NRXN3: variants seen among roughly 807,000 people sequenced by gnomAD.
NRXN3 encodes the protein neurexin III.
NRXN3 carries 32 observed loss-of-function variants against 137.6 expected under a neutral mutation model. The observed-to-expected ratio is 0.23, with a 90% CI of 0.18 to 0.31. The LOEUF is 0.31. Ranked by LOEUF, NRXN3 falls within the 10% of genes least tolerant of loss-of-function variation. NRXN3 has a pLI of 1.00. For missense variants in NRXN3, 1,574 were observed against 2,062.5 expected, an observed-to-expected ratio of 0.76 and a Z score of 4.59; for synonymous variants, 798 against 784.5, an observed-to-expected ratio of 1.02 and a Z score of -0.29.
At chr14:78,192,411 T>C (rs992768894) in intron 1 of NRXN3, among the ~76,000 whole-genome samples, 1 of 152,156 alleles carries the variant, frequency 6.6e-6, no homozygotes, top group African/African-American at 2.4e-5. Context: ...GAACTCACCA[T>C]TGCTCTGCAA....
chr14:78,279,195 A>G (rs116489061), intron 3 of NRXN3, among the ~76,000 whole-genome samples: 4,666 of 152,250 alleles, frequency 0.031, 117 homozygotes, highest in African/African-American at 0.064. Flanking sequence ...TCACTGTGGA[A>G]AAAAAAAGCA....
chr14:78,676,026 G>T (rs1163934135), intron 6 of NRXN3, among the ~76,000 whole-genome samples: 22 of 152,084 alleles, frequency 1.4e-4, no homozygotes, highest in Admixed American at 1.4e-3. Flanking sequence ...TGTTGCATGG[G>T]TTCTGACTGT....
intron 16 of NRXN3, among the ~76,000 whole-genome samples, chr14:79,549,581 G>C (rs565763294): frequency 1.3e-5 from 2 of 152,164 alleles, no homozygotes; most frequent in South Asian, 4.1e-4. Flanking sequence ...AAGCAATCCT[G>C]GGTCAACATC....
intron 20 of NRXN3, among the ~76,000 whole-genome samples, chr14:79,843,292 C>T (rs2205221): frequency 0.89 from 136,226 of 152,248 alleles, 61,070 homozygotes; most frequent in East Asian, 1. Context: ...ATATGTGAAA[C>T]AGCACTATAT....
intron 19 of NRXN3, among the ~76,000 whole-genome samples, chr14:79,773,605 A>G (rs2099086722): frequency 8.2e-6 from 1 of 121,674 alleles, no homozygotes; most frequent in South Asian, 2.9e-4. Context: ...AGGAAGGGGA[A>G]CATCACACTC....
At chr14:78,894,875 A>C (rs2099168967) in intron 10 of NRXN3, among the ~76,000 whole-genome samples, 1 of 151,252 alleles carries the variant, frequency 6.6e-6, no homozygotes, top group Non-Finnish European at 1.5e-5. Context: ...AATGAATAGT[A>C]ACATTTTGAA....
rs1235582334 is a variant in NRXN3 at position 78,709,355 on chromosome 14, C to T, written c.1360C>T (p.Pro454Ser). ...ATLDPINFET[P>S]EAYISLPKWN... ...ACTGGACCCCATCAACTTTGAGACC[C>T]CAGAGGCTTACATCAGCTTGCCCAA... Residue 454 changes from proline to serine, a missense_variant, in exon 7 of 21, where the codon CCA (proline) becomes TCA (serine). Physicochemically the swap from Pro to Ser is moderately conservative, Grantham distance 74. Around this residue, in one of 5 missense-constraint regions of NRXN3, gnomAD observed 718 missense variants for 887.6 expected, o/e 0.81. Transcript: ENST00000335750. 6.2e-7 allele frequency: 1 copy of T among 1,614,118 alleles called. No individual in the cohort carries two copies. The highest frequency in any genetic ancestry group is 1.1e-5 in the South Asian group (1 of 91,082).
At chr14:79,715,673 G>A (rs139553348) in intron 19 of NRXN3, among the ~76,000 whole-genome samples, 2,248 of 152,306 alleles carry the variant, frequency 0.015, 53 homozygotes, top group African/African-American at 0.051. Context: ...AAGAAGGCAT[G>A]AACAAACCAA....
intron 16 of NRXN3, among the ~76,000 whole-genome samples, chr14:79,659,911 CCTGAT>C (rs1462351257): frequency 6.6e-6 from 1 of 152,158 alleles, no homozygotes; most frequent in Non-Finnish European, 1.5e-5. Context: ...GGTTCCTTCT[CCTGAT>C]CTGTTTTATC....
intron 15 of NRXN3, among the ~76,000 whole-genome samples, chr14:79,146,463 C>T (rs1596467596): frequency 2.6e-5 from 4 of 152,136 alleles, no homozygotes; most frequent in East Asian, 3.9e-4. Context: ...GCTTTATTTT[C>T]ATTTTAGATA....
chr14:78,841,775 T>G (rs2099013156), intron 10 of NRXN3, among the ~76,000 whole-genome samples: 3 of 152,154 alleles, frequency 2.0e-5, no homozygotes, highest in Admixed American at 2.0e-4. Context: ...GAATTCTAGT[T>G]GTTTTTCAGC....
intron 1 of NRXN3, among the ~76,000 whole-genome samples, chr14:78,229,865 G>C (rs2065151828): frequency 6.6e-6 from 1 of 152,036 alleles, no homozygotes; most frequent in South Asian, 2.1e-4. Flanking sequence ...TACTCTCTAG[G>C]GGTTGGCAGT....
chr14:78,380,326 A>AAG (rs1409122655), intron 4 of NRXN3, among the ~76,000 whole-genome samples: 1 of 151,764 alleles, frequency 6.6e-6, no homozygotes, highest in African/African-American at 2.4e-5. Context: ...AAAAAAAAAA[A>AAG]AAGATGTGTT....
intron 4 of NRXN3, among the ~76,000 whole-genome samples, chr14:78,499,215 T>C (rs1406327172): frequency 6.6e-6 from 1 of 152,058 alleles, no homozygotes; most frequent in African/African-American, 2.4e-5. Context: ...AACTAGATCA[T>C]GTTTATGAAG....
chr14:78,679,413 A>G (rs2098048638), intron 6 of NRXN3, among the ~76,000 whole-genome samples: 1 of 152,166 alleles, frequency 6.6e-6, no homozygotes, highest in African/African-American at 2.4e-5. Context: ...TAAACAAAAT[A>G]TTTATTTTTG....
chr14:79,421,955 T>A (rs1057220624), intron 15 of NRXN3, among the ~76,000 whole-genome samples: 1 of 152,222 alleles, frequency 6.6e-6, no homozygotes, highest in African/African-American at 2.4e-5. Flanking sequence ...TGGGCAATAC[T>A]GCTTTGTTAT....
At chr14:78,943,615 AAAAAAAATAT>A (rs2099357781) in intron 10 of NRXN3, among the ~76,000 whole-genome samples, 15 of 42,498 alleles carry the variant, frequency 3.5e-4, no homozygotes, top group African/African-American at 5.0e-4. Context: ...ACTGTTAAAA[AAAAAAAATAT>A]ATATATATAT....
At chr14:78,553,050 T>C (rs562361509) in intron 4 of NRXN3, among the ~76,000 whole-genome samples, 5 of 152,250 alleles carry the variant, frequency 3.3e-5, no homozygotes, top group African/African-American at 1.2e-4. Flanking sequence ...TTCCCAGGAC[T>C]ATTTTAATTA....
chr14:79,125,596 G>A (rs950442718), intron 15 of NRXN3, among the ~76,000 whole-genome samples: 3 of 152,114 alleles, frequency 2.0e-5, no homozygotes, highest in Admixed American at 2.0e-4. Context: ...TTGCAATGCA[G>A]TCTTAAATAG....
Sources: gnomAD v4.1 joint callset for allele counts (sites outside exome capture counted in the v4.1 genomes callset) on GRCh38, gnomAD v4.1.1 for gene constraint, gnomAD v4.1.1 regional missense constraint, MANE v1.5 for transcripts, NCBI Gene and HGNC (gene_info 2026-07-23, HGNC 2026-07-21) for gene names.